FAM200B: variants seen among roughly 807,000 people sequenced by gnomAD.
FAM200B encodes the protein protein FAM200B.
A neutral mutation model predicts 33.1 loss-of-function variants in FAM200B; 32 were observed. The ratio of observed to expected loss-of-function variants is 0.97; its 90% CI spans 0.73 to 1.30. The LOEUF is 1.30. Among genes scored for constraint, FAM200B ranks in the 50% most tolerant of loss-of-function variants. The pLI is 0.00. For missense variants in FAM200B, 741 were observed against 754.0 expected, an observed-to-expected ratio of 0.98 and a Z score of 0.20; for synonymous variants, 240 against 264.8, an observed-to-expected ratio of 0.91 and a Z score of 0.91.
At chr4:15,644,438 T>C in the FAM200B span, 7 of 1,418,020 alleles carry the variant, frequency 4.9e-6, no homozygotes, top group South Asian at 8.3e-5. Flanking sequence ...TTGCCAATGA[T>C]ATACCAGAAG....
the FAM200B span, among the ~76,000 whole-genome samples, chr4:15,649,389 T>C: frequency 6.6e-6 from 1 of 151,580 alleles, no homozygotes; most frequent in African/African-American, 2.4e-5. Flanking sequence ...GCCAACATGG[T>C]GAAACCCCAT....
upstream of FAM200B, among the ~76,000 whole-genome samples, chr4:15,680,332 G>A (rs1718176531): frequency 6.6e-6 from 1 of 152,114 alleles, no homozygotes; most frequent in Non-Finnish European, 1.5e-5. Flanking sequence ...TGTAGTTTGA[G>A]CCATGTAAAA....
chr4:15,679,503 A>C (rs1005122160), upstream of FAM200B, among the ~76,000 whole-genome samples: 4 of 150,582 alleles, frequency 2.7e-5, no homozygotes, highest in Non-Finnish European at 5.9e-5. Context: ...AGAGATTTTG[A>C]TTTTTCTAAA....
chr4:15,643,949 T>TG, the FAM200B span, among the ~76,000 whole-genome samples: 1 of 152,238 alleles, frequency 6.6e-6, no homozygotes, highest in Non-Finnish European at 1.5e-5. Flanking sequence ...AGGTAACTGA[T>TG]GAAGACTCTC....
chr4:15,649,215 C>G, the FAM200B span, among the ~76,000 whole-genome samples: 1 of 152,058 alleles, frequency 6.6e-6, no homozygotes, highest in African/African-American at 2.4e-5. Context: ...CTACCCAACT[C>G]AGTTTTTCTC....
chr4:15,652,934 G>T, the FAM200B span, among the ~76,000 whole-genome samples: 1 of 152,178 alleles, frequency 6.6e-6, no homozygotes, highest in African/African-American at 2.4e-5. Flanking sequence ...ATGGCAAAAC[G>T]TGAGATGATA....
the FAM200B span, among the ~76,000 whole-genome samples, chr4:15,645,208 G>A: frequency 1.3e-5 from 2 of 151,946 alleles, no homozygotes; most frequent in African/African-American, 4.8e-5. Flanking sequence ...TTATCAGCAG[G>A]AATGACGGTC....
the FAM200B span, among the ~76,000 whole-genome samples, chr4:15,668,332 CAAG>C: frequency 6.6e-6 from 1 of 151,434 alleles, no homozygotes; most frequent in Non-Finnish European, 1.5e-5. Flanking sequence ...TAAAAATAAT[CAAG>C]AATGATGAAG....
At chr4:15,683,961 A>T (rs1011147588) in intron 1 of FAM200B, among the ~76,000 whole-genome samples, 1 of 152,244 alleles carries the variant, frequency 6.6e-6, no homozygotes, top group Non-Finnish European at 1.5e-5. Flanking sequence ...AAAATCACTT[A>T]CCTAAAACCA....
At chr4:15,662,972 G>A in the FAM200B span, among the ~76,000 whole-genome samples, 1 of 152,200 alleles carries the variant, frequency 6.6e-6, no homozygotes, top group Non-Finnish European at 1.5e-5. Flanking sequence ...TTGACCTAGT[G>A]TGCAGGGTAA....
At chr4:15,638,853 T>C in the FAM200B span, among the ~76,000 whole-genome samples, 3 of 152,286 alleles carry the variant, frequency 2.0e-5, no homozygotes, top group East Asian at 1.9e-4. Context: ...TATCTAAAAA[T>C]TGCAGAGAAG....
At chr4:15,644,498 C>T in the FAM200B span, 3 of 1,607,342 alleles carry the variant, frequency 1.9e-6, no homozygotes, top group Non-Finnish European at 2.6e-6. Context: ...CTTACCTTAA[C>T]ATTCTTCAGT....
At chr4:15,640,085 G>A in the FAM200B span, among the ~76,000 whole-genome samples, 2 of 152,228 alleles carry the variant, frequency 1.3e-5, no homozygotes, top group African/African-American at 4.8e-5. Flanking sequence ...CTGTCACCCA[G>A]GCTGAAGTGC....
intron 1 of FAM200B, among the ~76,000 whole-genome samples, chr4:15,683,429 C>CT (rs989803086): frequency 6.6e-6 from 1 of 152,028 alleles, no homozygotes; most frequent in African/African-American, 2.4e-5. Context: ...TTAAAAATAT[C>CT]TTTTTAATAC....
At chr4:15,681,772 G>C (rs889787581), upstream of FAM200B, 1 of 152,866 alleles carries the variant, frequency 6.5e-6, no homozygotes, top group Non-Finnish European at 1.5e-5. Flanking sequence ...GGCTGGAATG[G>C]GGAATTTGTG....
the FAM200B span, among the ~76,000 whole-genome samples, chr4:15,638,963 G>A: frequency 6.6e-6 from 1 of 152,106 alleles, no homozygotes; most frequent in African/African-American, 2.4e-5. Context: ...TCGGGAGTTC[G>A]AGACCAACCT....
chr4:15,663,697 AT>A, the FAM200B span, among the ~76,000 whole-genome samples: 17 of 151,714 alleles, frequency 1.1e-4, no homozygotes, highest in African/African-American at 2.2e-4. Context: ...CTGTCACATA[AT>A]TTTTTTTTAA....
upstream of FAM200B, among the ~76,000 whole-genome samples, chr4:15,679,739 T>C (rs1383087427): frequency 2.0e-5 from 3 of 151,794 alleles, no homozygotes; most frequent in Non-Finnish European, 4.4e-5. Flanking sequence ...AAAATCCCAA[T>C]TATATTCCTG....
At chr4:15,642,528 G>A in the FAM200B span, among the ~76,000 whole-genome samples, 1 of 152,092 alleles carries the variant, frequency 6.6e-6, no homozygotes, top group Non-Finnish European at 1.5e-5. Flanking sequence ...GAGCCACCAT[G>A]CCCAGCCTAT....
Sources: allele counts gnomAD v4.1 joint callset (sites outside exome capture counted in the v4.1 genomes callset), GRCh38; gene constraint gnomAD v4.1.1; transcripts MANE v1.5; gene names NCBI Gene and HGNC (gene_info 2026-07-23, HGNC 2026-07-21).